RTN4: variants seen among roughly 807,000 people sequenced by gnomAD.
RTN4 encodes the protein reticulon-4.
In RTN4, 32 loss-of-function variants were observed where a neutral mutation model predicts 90.4. The observed-to-expected ratio is 0.35, with a 90% CI of 0.27 to 0.48. The LOEUF (loss-of-function observed/expected upper bound fraction) is 0.48. Among genes scored for constraint, RTN4 ranks in the 20% least tolerant of loss-of-function variants. RTN4 has a pLI of 0.99. For synonymous variants in RTN4, 629 were observed against 552.5 expected (o/e 1.14, Z -1.94); for missense variants, 1,706 against 1,430.2 (o/e 1.19, Z -3.11).
chr2:55,096,226 TGAGGCA>T (rs760215258), intron 1 of RTN4, among the ~76,000 whole-genome samples: 5 of 152,072 alleles, frequency 3.3e-5, no homozygotes, highest in Non-Finnish European at 7.4e-5. Context: ...CTCAGGAGGC[TGAGGCA>T]GGAGAATCGC....
At chr2:55,100,842 C>A (rs1667840398) in intron 1 of RTN4, among the ~76,000 whole-genome samples, 1 of 150,498 alleles carries the variant, frequency 6.6e-6, no homozygotes, top group South Asian at 2.1e-4. Flanking sequence ...TTGTTTTATT[C>A]TTTTCTTTCT....
intron 1 of RTN4, among the ~76,000 whole-genome samples, chr2:55,110,032 GGCGTGGTGGTTCACACCTATAATCCCA>G (rs1270253120): frequency 1.3e-5 from 2 of 152,126 alleles, no homozygotes; most frequent in Admixed American, 1.3e-4. Flanking sequence ...CTCAGGGCTG[GGCGTGGTGGTTCACACCTATAATCCCA>G]GCATTGTGGG....
chr2:54,996,571 G>A (rs550441697), intron 3 of RTN4, among the ~76,000 whole-genome samples: 1 of 152,178 alleles, frequency 6.6e-6, no homozygotes, highest in African/African-American at 2.4e-5. Context: ...GGGTGCCAAG[G>A]CAACTCAATA....
At position 55,070,282 on chromosome 2, in the gene RTN4, G is replaced by A. The variant is rs540732453; in HGVS notation, c.-63+10207C>T. Among the ~76,000 whole-genome samples, 621 of 151,378 alleles carry A rather than the reference G, an allele frequency of 4.1e-3. 3 individuals are homozygous for A. Among genetic ancestry groups the A allele is most frequent in the Non-Finnish European group, 4.9e-3 (333 of 67,908 alleles). On this transcript the variant is annotated intron_variant, in intron 2 of 3. Transcript: ENST00000427710. ...CCCCACCCCCCCAAACAAAAGGCCAGGCACAGTGGCTCGCACCTGTAATTC... is the reference window on the plus strand; with the variant it reads ...CCCCACCCCCCCAAACAAAAGGCCAAGCACAGTGGCTCGCACCTGTAATTC...
At chr2:55,129,223 T>G in the RTN4 span, among the ~76,000 whole-genome samples, 2 of 151,828 alleles carry the variant, frequency 1.3e-5, no homozygotes, top group African/African-American at 2.4e-5. Flanking sequence ...ATGCCAAATC[T>G]CACTGTAAAC....
intron 1 of RTN4, among the ~76,000 whole-genome samples, chr2:55,032,573 C>A (rs1682394060): frequency 6.6e-6 from 1 of 151,216 alleles, no homozygotes; most frequent in Admixed American, 6.6e-5. Flanking sequence ...TTAGACAATA[C>A]AGAAAAAAAG....
chr2:55,074,667 C>T (rs924099469), intron 2 of RTN4, among the ~76,000 whole-genome samples: 13 of 151,684 alleles, frequency 8.6e-5, no homozygotes, highest in Admixed American at 5.9e-4. Context: ...AACATAGATA[C>T]AAAAATCCTC....
chr2:55,081,040 C>A (rs112958617), intron 1 of RTN4, among the ~76,000 whole-genome samples: 5 of 151,592 alleles, frequency 3.3e-5, no homozygotes, highest in African/African-American at 1.2e-4. Flanking sequence ...CTTTTTCCCT[C>A]TTTCCTTCCT....
chr2:55,128,398 A>G, the RTN4 span, among the ~76,000 whole-genome samples: 1 of 152,106 alleles, frequency 6.6e-6, no homozygotes, highest in African/African-American at 2.4e-5. Flanking sequence ...GTGACCATCC[A>G]TGCAGCCATG....
rs958969810 is a variant in RTN4, at chr2:54,982,641, T to C, written c.3234A>G (p.Glu1078=). Reference sequence around the variant, plus strand: ...ACTCCTCAGATATAGCAACTTCAGATTCCAGATATGCCCTAGAAAACAAAA... The same window carrying C: ...ACTCCTCAGATATAGCAACTTCAGACTCCAGATATGCCCTAGAAAACAAAA... ...DEGHPFRAYL[E]SEVAISEELV... The change falls in exon 5 of 9, where the codon GAA becomes GAG. Residue 1078 remains glutamate, a synonymous_variant. Coordinates refer to ENST00000337526, the MANE Select transcript of RTN4 (RefSeq NM_020532.5). 8 of 1,607,788 alleles carry C rather than the reference T, an allele frequency of 5.0e-6. No individual in the cohort carries two copies. The African/African-American group carries it at 9.4e-5, about 19-fold the overall frequency.
chr2:55,104,989 T>C (rs985896683), intron 1 of RTN4, among the ~76,000 whole-genome samples: 44 of 151,762 alleles, frequency 2.9e-4, no homozygotes, highest in African/African-American at 1.0e-3. Context: ...ATATTTTTTG[T>C]AGAGATGAGG....
At chr2:55,037,258 T>C (rs74696717) in intron 1 of RTN4, among the ~76,000 whole-genome samples, 5 of 152,212 alleles carry the variant, frequency 3.3e-5, no homozygotes, top group African/African-American at 4.8e-5. Flanking sequence ...ATCACATTCA[T>C]GGGTTGAAAG....
chr2:55,010,772 T>C (rs1680575433), intron 3 of RTN4, among the ~76,000 whole-genome samples: 1 of 152,216 alleles, frequency 6.6e-6, no homozygotes, highest in African/African-American at 2.4e-5. Flanking sequence ...TAATGTTTAT[T>C]GAACATATTA....
intron 1 of RTN4, among the ~76,000 whole-genome samples, chr2:55,030,863 G>A (rs1024102433): frequency 1.8e-4 from 28 of 152,212 alleles, no homozygotes; most frequent in African/African-American, 6.0e-4. Context: ...AAGGTAAATC[G>A]TCACCCAGTA....
chr2:55,024,554 A>G (rs1179280106), intron 3 of RTN4, among the ~76,000 whole-genome samples: 1 of 152,182 alleles, frequency 6.6e-6, no homozygotes, highest in African/African-American at 2.4e-5. Context: ...GGTACTTTTC[A>G]AAAGAATTCA....
At chr2:55,124,119 T>A in the RTN4 span, among the ~76,000 whole-genome samples, 2 of 152,186 alleles carry the variant, frequency 1.3e-5, no homozygotes, top group South Asian at 4.1e-4. Context: ...TGCAGCAAGT[T>A]TGAGCTGAGA....
chr2:55,051,907 G>A (rs185314948), upstream of RTN4, among the ~76,000 whole-genome samples: 1 of 150,590 alleles, frequency 6.6e-6, no homozygotes, highest in Non-Finnish European at 1.5e-5. Flanking sequence ...AATACATAAT[G>A]GCTCACATTA....
chr2:54,986,421 C>T (rs913549668), intron 4 of RTN4, among the ~76,000 whole-genome samples: 9 of 152,198 alleles, frequency 5.9e-5, no homozygotes, highest in African/African-American at 1.9e-4. Context: ...TATTACAGTA[C>T]GAAACCAGCT....
At chr2:55,029,000 A>G (rs554105809) in intron 1 of RTN4, among the ~76,000 whole-genome samples, 1 of 152,280 alleles carries the variant, frequency 6.6e-6, no homozygotes, top group South Asian at 2.1e-4. Flanking sequence ...CCCAACCCCT[A>G]AAGTGATAGT....
Sources: allele counts gnomAD v4.1 joint callset (sites outside exome capture counted in the v4.1 genomes callset), GRCh38; gene constraint gnomAD v4.1.1; transcripts MANE v1.5; gene names NCBI Gene and HGNC (gene_info 2026-07-23, HGNC 2026-07-21).